The following LRRC41 variants were observed in gnomAD, a reference collection of about 807,000 sequenced individuals.
The protein encoded by LRRC41 is leucine rich repeat containing 41.
In LRRC41, 17 loss-of-function variants were observed where a neutral mutation model predicts 72.1. The observed-to-expected ratio is 0.24, with a 90% CI of 0.16 to 0.35. The LOEUF is 0.35. Ranked by LOEUF, LRRC41 falls within the 10% of genes least tolerant of loss-of-function variation. The pLI is 1.00. For missense variants in LRRC41, 759 were observed against 1,065.0 expected (o/e 0.71, Z 4.00); for synonymous variants, 427 against 431.0 (o/e 0.99, Z 0.11).
rs531023563 is a variant in LRRC41, at chr1:46,302,347, C to T, written c.199+777G>A. The T allele has an allele frequency of 1.6e-4, 154 of 985,344 alleles. No homozygotes were observed. The highest frequency in any genetic ancestry group is 1.0e-3 in the Middle Eastern group (2 of 1,914). The allele number at this position is 985,344 out of a possible 1,614,324, so 61.0% of individuals were successfully genotyped here. A position where few individuals can be genotyped will look rare whatever the true frequency, so the allele number is the denominator to read the frequency against. On this transcript the variant is annotated intron_variant, in intron 1 of 9. Transcript: ENST00000617190. The surrounding 1 kb of genome is among the most constrained non-coding windows in gnomAD (Gnocchi z 4.7). Reference sequence around the variant, plus strand: ...CCTCGCTTGTTTAAGCCGCTCCGGGCCCCCCTCCACTCGCTCTCCGGTCCC... The same window carrying T: ...CCTCGCTTGTTTAAGCCGCTCCGGGTCCCCCTCCACTCGCTCTCCGGTCCC...
In LRRC41 at chr1:46,279,148, C is replaced by T; in HGVS notation, c.2219+34G>A. The T allele has an allele frequency of 6.2e-7, 1 of 1,611,964 alleles. No homozygotes were observed. Among genetic ancestry groups the T allele is most frequent in the Non-Finnish European group, 8.5e-7 (1 of 1,178,236 alleles). On this transcript the variant is annotated intron_variant, in intron 9 of 9. Transcript: ENST00000617190. This position sits in a 1 kb window ranked among gnomAD's most constrained non-coding sequence, Gnocchi z 4.5. ...GAATTCCTGGTCTATATCTCTGTAG[C>T]CCCATCCCTTGTCTTGCCCCTCCCC...
At chr1:46,294,161 C>T (rs1027540752) in intron 3 of LRRC41, among the ~76,000 whole-genome samples, 1 of 152,176 alleles carries the variant, frequency 6.6e-6, no homozygotes, top group Non-Finnish European at 1.5e-5. Context: ...ATTGCCCAGG[C>T]TGGAGTGCGA....
chr1:46,277,738 C>A lies in LRRC41; in HGVS notation c.*1127G>T. On this transcript the variant is annotated 3_prime_UTR_variant, in exon 10 of 10. Transcript: ENST00000617190. ...CTTCTCGGGTAGCTGTAGTTTCAAC[C>A]CTTTGGTTTTCCTGCTCCCTTTTTA... The A allele has an allele frequency of 6.7e-7, 1 of 1,486,784 alleles. No homozygotes were observed. Among genetic ancestry groups the A allele is most frequent in the Non-Finnish European group, 9.3e-7 (1 of 1,072,644 alleles). The allele number at this position is 1,486,784 out of a possible 1,614,324, so 92.1% of individuals were successfully genotyped here. A position where few individuals can be genotyped will look rare whatever the true frequency, so the allele number is the denominator to read the frequency against.
Position 46,302,453 on chromosome 1 carries a change from GT to G in LRRC41, c.199+670del. 16 of 985,318 alleles carry G rather than the reference GT, an allele frequency of 1.6e-5. No homozygotes were observed. The highest frequency in any genetic ancestry group is 1.9e-5 in the Non-Finnish European group (16 of 829,886). The allele number at this position is 985,318 out of a possible 1,614,324, so 61.0% of individuals were successfully genotyped here. ...GCACGGTCGCTCGGTCGCTTAGTCAGTTTGGCACCCGAGACCCCGGTTGTCG... is the reference window on the plus strand; with the variant it reads ...GCACGGTCGCTCGGTCGCTTAGTCAGTTGGCACCCGAGACCCCGGTTGTCG... On this transcript the variant is annotated intron_variant, in intron 1 of 9. Transcript: ENST00000617190. The surrounding 1 kb of genome is among the most constrained non-coding windows in gnomAD (Gnocchi z 4.7).
In LRRC41 at chr1:46,279,340, C is replaced by T. The variant is rs778711873; in HGVS notation, c.2144-83G>A. On this transcript the variant is annotated intron_variant, in intron 8 of 9. Transcript: ENST00000617190. This position sits in a 1 kb window ranked among gnomAD's most constrained non-coding sequence, Gnocchi z 4.5. Reference sequence around the variant, plus strand: ...CCCAACCCAACTATGGCTGGCAGAACCAGCCCTGCTGGTTCCTGAAGCCCC... The same window carrying T: ...CCCAACCCAACTATGGCTGGCAGAATCAGCCCTGCTGGTTCCTGAAGCCCC... The T allele has an allele frequency of 4.4e-6, 7 of 1,581,148 alleles. No individual in the cohort carries two copies. The South Asian group carries it at 5.5e-5, about 13-fold the overall frequency.
Position 46,285,696 on chromosome 1 carries a change from G to A in LRRC41, c.1161C>T (p.Pro387=), listed in dbSNP as rs1660869872. ...APASSAPQPK[P]LKRFKRAAGK... ...CTGCAGCTCGCTTGAAACGCTTTAG[G>A]GGCTTAGGCTGTGGGGCTGAGCTAG... is the stretch of plus-strand genomic sequence containing the variant. The change falls in exon 4 of 10, where the codon CCC becomes CCT. Residue 387 remains proline (P), a synonymous_variant. Coordinates refer to ENST00000617190, the MANE Select transcript of LRRC41 (RefSeq NM_006369.5). This position sits in a 1 kb window ranked among gnomAD's most constrained non-coding sequence, Gnocchi z 5.3. 1 of 1,613,556 alleles carries A rather than the reference G, an allele frequency of 6.2e-7. No homozygotes were observed. The highest frequency in any genetic ancestry group is 1.7e-5 in the Admixed American group (1 of 59,894).
chr1:46,295,857 A>G (rs530408567), intron 3 of LRRC41, among the ~76,000 whole-genome samples: 29 of 152,316 alleles, frequency 1.9e-4, no homozygotes, highest in African/African-American at 7.0e-4. Flanking sequence ...CAAGGGTTGC[A>G]GTCCAGATTT....
At chr1:46,284,714 C>T (rs1045823924) in intron 4 of LRRC41, among the ~76,000 whole-genome samples, 2 of 151,958 alleles carry the variant, frequency 1.3e-5, no homozygotes, top group Admixed American at 6.6e-5. Flanking sequence ...GTGAGGTCAT[C>T]CCTGAGAAGG....
In LRRC41 at chr1:46,297,736, G is replaced by A. The variant is rs145093191; in HGVS notation, c.287-103C>T. ...GGGTTCACAGGAGCAATATGGCAGA[G>A]TGATTAAGGGCACTGGCTCTAAAGA... On this transcript the variant is annotated intron_variant, in intron 2 of 9. Transcript: ENST00000617190. 7.5e-6 allele frequency: 6 copies of A among 803,318 alleles called. No homozygotes were observed. The East Asian group carries it at 1.2e-4, about 17-fold the overall frequency. The allele number at this position is 803,318 out of a possible 1,614,324, so 49.8% of individuals were successfully genotyped here. A position where few individuals can be genotyped will look rare whatever the true frequency, so the allele number is the denominator to read the frequency against.
intron 4 of LRRC41, among the ~76,000 whole-genome samples, chr1:46,282,688 A>G (rs1452316124): frequency 2.0e-5 from 3 of 152,102 alleles, no homozygotes; most frequent in Admixed American, 6.6e-5. Flanking sequence ...GGAGAACAAA[A>G]AAATTTCATA....
intron 1 of LRRC41, chr1:46,300,525 A>AT (rs1288458142): frequency 4.6e-5 from 7 of 152,182 alleles, no homozygotes; most frequent in Non-Finnish European, 1.0e-4. Context: ...AATGTAGTCC[A>AT]CATCACCTTT....
In LRRC41 at chr1:46,298,353, G is replaced by C. The variant is rs746504095; in HGVS notation, c.217C>G (p.Leu73Val). The C allele has an allele frequency of 5.6e-6, 9 of 1,611,608 alleles. No homozygotes were observed. Among genetic ancestry groups the C allele is most frequent in the Non-Finnish European group, 7.6e-6 (9 of 1,178,824 alleles). Residue 73 changes from leucine (L) to valine (V), a missense_variant, in exon 2 of 10, where the codon CTT (leucine) becomes GTT (valine). Physicochemically the swap from Leu to Val is conservative, Grantham distance 32. This residue lies in a region of LRRC41 where 116 missense variants were observed against 250.9 expected (regional missense o/e 0.46). Transcript: ENST00000617190. Reference sequence around the variant, plus strand: ...TTGAGCAGAGGTAGGATGCTTTGAAGTATTGGGCCTGGGAGGGCTACAAAA... The same window carrying C: ...TTGAGCAGAGGTAGGATGCTTTGAACTATTGGGCCTGGGAGGGCTACAAAA... The part of the protein sequence containing the change: ...SGVWALPGPI[L>V]QSILPLLNIY...
intron 3 of LRRC41, among the ~76,000 whole-genome samples, chr1:46,291,467 A>C (rs1661013938): frequency 6.6e-6 from 1 of 150,570 alleles, no homozygotes; most frequent in African/African-American, 2.4e-5. Context: ...CCCAAGTAGT[A>C]GGGACTATAG....
chr1:46,294,333 C>T (rs1661078400), intron 3 of LRRC41, among the ~76,000 whole-genome samples: 1 of 151,126 alleles, frequency 6.6e-6, no homozygotes, highest in South Asian at 2.1e-4. Context: ...GTCTCAAACT[C>T]GTAAGCTCAA....
chr1:46,298,381 C>A lies in LRRC41; in HGVS notation c.200-11G>T, dbSNP rs373287127. On this transcript the variant is annotated splice_polypyrimidine_tract_variant and intron_variant, in intron 1 of 9. Transcript: ENST00000617190. ...TTGGGCCTGGGAGGGCTACAAAAAT[C>A]AAAACAAAAGTTTACTTTTCCTCCC... 1.1e-4 allele frequency: 167 copies of A among 1,588,260 alleles called. No homozygotes were observed. The highest frequency in any genetic ancestry group is 1.3e-4 in the Non-Finnish European group (155 of 1,160,918).
intron 3 of LRRC41, among the ~76,000 whole-genome samples, chr1:46,290,930 T>TG (rs1557716710): frequency 2.1e-4 from 31 of 145,670 alleles, no homozygotes; most frequent in South Asian, 4.4e-4. Flanking sequence ...TTTTTTTTTT[T>TG]TTTTTTTTTT....
Position 46,279,344 on chromosome 1 carries a change from C to T in LRRC41, c.2144-87G>A. On this transcript the variant is annotated intron_variant, in intron 8 of 9. Coordinates refer to ENST00000617190, the MANE Select transcript of LRRC41 (RefSeq NM_006369.5). This position sits in a 1 kb window ranked among gnomAD's most constrained non-coding sequence, Gnocchi z 4.5. ...ACCCAACTATGGCTGGCAGAACCAG[C>T]CCTGCTGGTTCCTGAAGCCCCAGCA... 6.3e-7 allele frequency: 1 copy of T among 1,578,078 alleles called. No individual in the cohort carries two copies. Among genetic ancestry groups the T allele is most frequent in the Non-Finnish European group, 8.7e-7 (1 of 1,147,530 alleles).
rs774817198 is a variant in LRRC41, at chr1:46,277,707, TCTC to T, written c.*1155_*1157del. ...TTCTGGGACTCATACTTTTTATTCA[TCTC>T]CTCTTCTCGGGTAGCTGTAGTTTCA... is the stretch of plus-strand genomic sequence containing the variant. On this transcript the variant is annotated 3_prime_UTR_variant, in exon 10 of 10. Coordinates refer to ENST00000617190, the MANE Select transcript of LRRC41 (RefSeq NM_006369.5). 7.0e-5 allele frequency: 88 copies of T among 1,254,474 alleles called. No homozygotes were observed. The highest frequency in any genetic ancestry group is 9.8e-5 in the Non-Finnish European group (85 of 868,652). The allele number at this position is 1,254,474 out of a possible 1,614,324, so 77.7% of individuals were successfully genotyped here.
intron 3 of LRRC41, among the ~76,000 whole-genome samples, chr1:46,290,481 A>T (rs1300484904): frequency 6.6e-6 from 1 of 152,230 alleles, no homozygotes; most frequent in Non-Finnish European, 1.5e-5. Flanking sequence ...CAACATTGAG[A>T]CAATTCTGAA....
Sources: gnomAD v4.1 joint callset for allele counts (sites outside exome capture counted in the v4.1 genomes callset) on GRCh38, gnomAD v4.1.1 for gene constraint, gnomAD v4.1.1 regional missense constraint, Gnocchi (gnomAD v3.1) non-coding constraint, MANE v1.5 for transcripts, NCBI Gene and HGNC (gene_info 2026-07-23, HGNC 2026-07-21) for gene names.